CNTNAP2: variants seen among roughly 807,000 people sequenced by gnomAD.
The protein encoded by CNTNAP2 is contactin associated protein 2.
In CNTNAP2, 98 loss-of-function variants were observed where a neutral mutation model predicts 155.2. The observed-to-expected ratio is 0.63, with a 90% CI of 0.54 to 0.75. The LOEUF is 0.75. Among genes scored for constraint, CNTNAP2 ranks in the 30% least tolerant of loss-of-function variants. The pLI, the probability that CNTNAP2 is intolerant of heterozygous loss-of-function variation, is 0.00. For missense variants in CNTNAP2, 1,727 were observed against 1,688.1 expected (o/e 1.02, Z -0.40); for synonymous variants, 651 against 631.2 (o/e 1.03, Z -0.47).
chr7:147,674,466 A>G (rs972965796), intron 13 of CNTNAP2, among the ~76,000 whole-genome samples: 3 of 152,190 alleles, frequency 2.0e-5, no homozygotes, highest in African/African-American at 7.2e-5. Context: ...ACATATTATT[A>G]GAGCTTTTCC....
Position 146,964,673 on chromosome 7 carries a change from T to A in CNTNAP2, c.403-79234T>A, listed in dbSNP as rs113263303. On this transcript the variant is annotated intron_variant, in intron 3 of 23. Coordinates refer to ENST00000361727, the MANE Select transcript of CNTNAP2 (RefSeq NM_014141.6). ...AATGTTAAATTTTTGAACAAATGTT[T>A]CCTGAATCTCCTTTTTATGTACAGC... Among the ~76,000 whole-genome samples, 299 of 152,332 alleles carry A rather than the reference T, an allele frequency of 2.0e-3. 1 individual carries two copies. The highest frequency in any genetic ancestry group is 6.6e-3 in the African/African-American group (275 of 41,570).
At chr7:148,003,027 G>T (rs570302261) in intron 15 of CNTNAP2, among the ~76,000 whole-genome samples, 1 of 152,238 alleles carries the variant, frequency 6.6e-6, no homozygotes, top group South Asian at 2.1e-4. Context: ...GCAGTCAGTG[G>T]GCCTACAGAG....
intron 3 of CNTNAP2, among the ~76,000 whole-genome samples, chr7:146,937,948 A>G (rs2129224802): frequency 6.6e-6 from 1 of 152,306 alleles, no homozygotes; most frequent in South Asian, 2.1e-4. Context: ...GGCTGGATGC[A>G]TATTTACAAT....
chr7:148,266,058 T>G (rs890878877), intron 20 of CNTNAP2, among the ~76,000 whole-genome samples: 5 of 152,208 alleles, frequency 3.3e-5, no homozygotes, highest in African/African-American at 1.2e-4. Flanking sequence ...TGCTGCTGCC[T>G]TCAACAAGTT....
chr7:147,542,937 C>A (rs1031644333), intron 11 of CNTNAP2, among the ~76,000 whole-genome samples: 9 of 152,054 alleles, frequency 5.9e-5, no homozygotes, highest in South Asian at 2.1e-4. Flanking sequence ...CTCCAGAAAA[C>A]CTAGATTTTC....
At chr7:147,082,257 A>T (rs1227286359) in intron 4 of CNTNAP2, among the ~76,000 whole-genome samples, 4 of 152,232 alleles carry the variant, frequency 2.6e-5, no homozygotes, top group Non-Finnish European at 5.9e-5. Flanking sequence ...ACCAAAGAAT[A>T]GTTTAGGACC....
intron 15 of CNTNAP2, among the ~76,000 whole-genome samples, chr7:148,040,610 A>G (rs754161017): frequency 6.6e-6 from 1 of 152,264 alleles, no homozygotes. Flanking sequence ...TAAAATAGGT[A>G]TGCATGCAGT....
intron 13 of CNTNAP2, among the ~76,000 whole-genome samples, chr7:147,880,076 G>A (rs1799492859): frequency 1.3e-5 from 2 of 152,202 alleles, no homozygotes; most frequent in Admixed American, 1.3e-4. Context: ...CGCAGCGTTA[G>A]CGCTCACTCT....
chr7:147,591,344 G>GT (rs1800730696), intron 12 of CNTNAP2, among the ~76,000 whole-genome samples: 1 of 152,096 alleles, frequency 6.6e-6, no homozygotes, highest in Non-Finnish European at 1.5e-5. Flanking sequence ...TTCTCTTTGT[G>GT]TTTTCAAATG....
chr7:147,884,471 A>G (rs1462748694), intron 13 of CNTNAP2, among the ~76,000 whole-genome samples: 1 of 147,538 alleles, frequency 6.8e-6, no homozygotes, highest in Non-Finnish European at 1.5e-5. Context: ...ATTACAATCA[A>G]ACTGATATCA....
In CNTNAP2 at chr7:148,224,283, G is replaced by A. The variant is rs765928998; in HGVS notation, c.3248-5363G>A. 1.7e-3 allele frequency among the ~76,000 whole-genome samples: 253 copies of A among 151,122 alleles called. 1 individual carries two copies. The highest frequency in any genetic ancestry group is 2.9e-3 in the Non-Finnish European group (195 of 68,022). On this transcript the variant is annotated intron_variant, in intron 19 of 23. Coordinates refer to ENST00000361727, the MANE Select transcript of CNTNAP2 (RefSeq NM_014141.6). ...GCCAAACAACTGCCTGATCATCTCCGTCATTCCCAAACAATGGACTATTTT... is the reference window on the plus strand; with the variant it reads ...GCCAAACAACTGCCTGATCATCTCCATCATTCCCAAACAATGGACTATTTT...
At chr7:147,567,204 A>T (rs1800191996) in intron 12 of CNTNAP2, among the ~76,000 whole-genome samples, 2 of 152,220 alleles carry the variant, frequency 1.3e-5, no homozygotes, top group African/African-American at 4.8e-5. Context: ...AGCACTGCAT[A>T]GGACACCAGC....
chr7:146,955,299 G>T (rs910180445), intron 3 of CNTNAP2, among the ~76,000 whole-genome samples: 1 of 151,900 alleles, frequency 6.6e-6, no homozygotes, highest in Non-Finnish European at 1.5e-5. Flanking sequence ...TATACAAGAA[G>T]ATTTAAGACT....
intron 9 of CNTNAP2, among the ~76,000 whole-genome samples, chr7:147,301,159 A>T (rs1336606326): frequency 6.6e-6 from 1 of 152,196 alleles, no homozygotes; most frequent in Non-Finnish European, 1.5e-5. Context: ...TCTACCTTAC[A>T]GAAGAAGACA....
At chr7:148,264,712 T>C (rs1796635835) in intron 20 of CNTNAP2, among the ~76,000 whole-genome samples, 1 of 152,194 alleles carries the variant, frequency 6.6e-6, no homozygotes, top group South Asian at 2.1e-4. Context: ...GTTTTTTTTG[T>C]TCTGAGATGG....
At chr7:148,030,593 C>G (rs986351317) in intron 15 of CNTNAP2, among the ~76,000 whole-genome samples, 1 of 150,866 alleles carries the variant, frequency 6.6e-6, no homozygotes, top group Middle Eastern at 3.2e-3. Context: ...TTAGTTCTTC[C>G]GGTTCTGGGC....
At chr7:148,068,942 T>G (rs1803322527) in intron 15 of CNTNAP2, among the ~76,000 whole-genome samples, 1 of 152,214 alleles carries the variant, frequency 6.6e-6, no homozygotes, top group Non-Finnish European at 1.5e-5. Flanking sequence ...TCTGGTATTC[T>G]GTTCTGAAGA....
chr7:146,583,718 A>G (rs1444715025), intron 1 of CNTNAP2, among the ~76,000 whole-genome samples: 1 of 152,208 alleles, frequency 6.6e-6, no homozygotes, highest in Non-Finnish European at 1.5e-5. Context: ...TGCAATTTAT[A>G]TAAATATCAG....
chr7:146,458,995 C>T (rs1271972712), intron 1 of CNTNAP2, among the ~76,000 whole-genome samples: 2 of 152,120 alleles, frequency 1.3e-5, no homozygotes, highest in African/African-American at 4.8e-5. Context: ...TATGTCACTT[C>T]TTGTTGGTTA....
Sources: allele counts gnomAD v4.1 joint callset (sites outside exome capture counted in the v4.1 genomes callset), GRCh38; gene constraint gnomAD v4.1.1; transcripts MANE v1.5; gene names NCBI Gene and HGNC (gene_info 2026-07-23, HGNC 2026-07-21).